ANKRD44: variants seen among roughly 807,000 people sequenced by gnomAD.
The protein encoded by ANKRD44 is ankyrin repeat domain 44, also known as serine/threonine-protein phosphatase 6 regulatory ankyrin repeat subunit B.
In ANKRD44, 35 loss-of-function variants were observed where a neutral mutation model predicts 116.0. The observed-to-expected ratio is 0.30, with a 90% CI of 0.23 to 0.40. The LOEUF is 0.40. ANKRD44 is among the 10% of genes least tolerant of loss of function. The pLI is 1.00. For synonymous variants in ANKRD44, 435 were observed against 461.8 expected (o/e 0.94, Z 0.74); for missense variants, 1,014 against 1,242.6 (o/e 0.82, Z 2.77).
At chr2:197,001,647 C>A in intron 22 of ANKRD44, 106 bp downstream of exon 22, 2 of 721,870 alleles carry the variant, frequency 2.8e-6, no homozygotes, top group Non-Finnish European at 2.2e-6. Context: ...TGGAATATTT[C>A]AGTCTTATCT....
intron 1 of ANKRD44, among the ~76,000 whole-genome samples, chr2:197,208,628 G>T (rs375539465): frequency 2.0e-5 from 3 of 152,030 alleles, no homozygotes; most frequent in South Asian, 4.2e-4. Context: ...GTGAAACCCC[G>T]TCTCTACTAA....
chr2:197,017,848 G>T (rs1331156002), intron 17 of ANKRD44, among the ~76,000 whole-genome samples: 3 of 152,220 alleles, frequency 2.0e-5, no homozygotes, highest in African/African-American at 7.2e-5. Context: ...GAACAAGGAA[G>T]GGCTCTGGAT....
At chr2:197,037,155 G>A (rs2076823344) in intron 16 of ANKRD44, among the ~76,000 whole-genome samples, 1 of 152,240 alleles carries the variant, frequency 6.6e-6, no homozygotes, top group African/African-American at 2.4e-5. Flanking sequence ...CGGAGGTAGT[G>A]AAACTACGGG....
At chr2:197,263,099 C>T in intron 1 of ANKRD44, 1 of 465,306 alleles carries the variant, frequency 2.1e-6, no homozygotes, top group Non-Finnish European at 4.1e-6. Flanking sequence ...CACAGCCCCT[C>T]ACCCCCTGAA....
chr2:196,981,657 G>A (rs2075801876), intron 21 of ANKRD44, among the ~76,000 whole-genome samples: 1 of 152,068 alleles, frequency 6.6e-6, no homozygotes, highest in Non-Finnish European at 1.5e-5. Context: ...GTGTGTGCCT[G>A]TAGTCCCAGC....
chr2:197,285,541 T>C (rs776411955), intron 1 of ANKRD44, among the ~76,000 whole-genome samples: 1 of 152,194 alleles, frequency 6.6e-6, no homozygotes, highest in Non-Finnish European at 1.5e-5. Flanking sequence ...CTCATAAAAA[T>C]GCTAAGTAGA....
intron 1 of ANKRD44, among the ~76,000 whole-genome samples, chr2:197,297,849 C>T (rs1160669964): frequency 6.6e-6 from 1 of 152,218 alleles, no homozygotes; most frequent in African/African-American, 2.4e-5. Flanking sequence ...GCATTAGCAA[C>T]TAAACATTGC....
chr2:197,067,641 C>T (rs1325253454), intron 16 of ANKRD44, among the ~76,000 whole-genome samples: 1 of 126,666 alleles, frequency 7.9e-6, no homozygotes, highest in Non-Finnish European at 1.7e-5. Context: ...CAGAGAAATG[C>T]AAATCAAAAC....
chr2:197,049,524 A>G lies in ANKRD44; in HGVS notation c.1651-24257T>C, dbSNP rs2077065926. ...TCAGACACTAATATTTAAGATCTATACTGTGGAGGAAACACATTCTCATTA... is the reference window on the plus strand; with the variant it reads ...TCAGACACTAATATTTAAGATCTATGCTGTGGAGGAAACACATTCTCATTA... On this transcript the variant is annotated intron_variant, in intron 16 of 27. Transcript: ENST00000282272. Among the ~76,000 whole-genome samples the G allele has an allele frequency of 2.0e-5, 3 of 152,200 alleles. No homozygotes were observed. In the South Asian group the frequency reaches 6.2e-4, roughly 31 times the overall value.
At chr2:196,990,015 A>C in intron 27 of ANKRD44, 1 of 1,052,700 alleles carries the variant, frequency 9.5e-7, no homozygotes, top group Non-Finnish European at 1.1e-6. Context: ...AATTAGTCAC[A>C]GGCTTGTTAT....
chr2:197,280,676 A>G (rs1032495899), intron 1 of ANKRD44, among the ~76,000 whole-genome samples: 6 of 152,218 alleles, frequency 3.9e-5, no homozygotes, highest in Admixed American at 3.3e-4. Flanking sequence ...GGATTGTACT[A>G]CTGAACTTGA....
intron 1 of ANKRD44, among the ~76,000 whole-genome samples, chr2:197,204,990 A>C (rs947361864): frequency 1.3e-5 from 2 of 152,234 alleles, no homozygotes; most frequent in African/African-American, 4.8e-5. Flanking sequence ...AACAGCTTCA[A>C]AATGCAGCGA....
Position 197,158,495 on chromosome 2 carries a change from A to T in ANKRD44, c.112-11390T>A, listed in dbSNP as rs556391744. Among the ~76,000 whole-genome samples the T allele has an allele frequency of 3.3e-5, 5 of 152,350 alleles. No homozygotes were observed. The South Asian group carries it at 1.0e-3, about 32-fold the overall frequency. ...AAACAAACATAGATTAATGAGAGGC[A>T]GATAACTAAAAGAATAACATAATCA... On this transcript the variant is annotated intron_variant, in intron 2 of 27. Transcript: ENST00000282272.
chr2:197,121,826 C>A (rs1467153553), intron 7 of ANKRD44, among the ~76,000 whole-genome samples: 1 of 152,106 alleles, frequency 6.6e-6, no homozygotes, highest in Non-Finnish European at 1.5e-5. Context: ...AGGTGAAGGG[C>A]AAAGCTGCTT....
intron 27 of ANKRD44, among the ~76,000 whole-genome samples, chr2:196,991,608 T>C (rs969408966): frequency 2.0e-5 from 3 of 152,140 alleles, no homozygotes; most frequent in African/African-American, 7.2e-5. Flanking sequence ...TGACAGAGTT[T>C]CACTCTGTCA....
chr2:197,013,593 T>A lies in ANKRD44; in HGVS notation c.1842A>T (p.Glu614Asp). 6.2e-7 allele frequency: 1 copy of A among 1,614,202 alleles called. No homozygotes were observed. Among genetic ancestry groups the A allele is most frequent in the Non-Finnish European group, 8.5e-7 (1 of 1,180,048 alleles). Residue 614 changes from glutamate to aspartate, a missense_variant, in exon 18 of 28, where the codon GAA (glutamate) becomes GAT (aspartate). Coordinates refer to ENST00000282272, the MANE Select transcript of ANKRD44 (RefSeq NM_001195144.2). ...LDLAAFKGHT[E>D]CVEALINQGA... ...CCTGATTGATAAGCGCTTCCACACA[T>A]TCTGTGTGTCCTTTAAAGGCAGCCA... is the stretch of plus-strand genomic sequence containing the variant.
rs377527485 is a variant in ANKRD44, at chr2:197,147,056, G to A, written c.161C>T (p.Ala54Val). The change falls in exon 3 of 28, where the codon GCA (alanine) becomes GTA (valine). Residue 54 changes from alanine (A) to valine (V), a missense_variant. By Grantham distance (64) the Ala-to-Val change is moderately conservative (BLOSUM62 0). Coordinates refer to ENST00000282272, the MANE Select transcript of ANKRD44 (RefSeq NM_001195144.2). ...PLHVAAFLGD[A>V]EIIELLILSG... Reference sequence around the variant, plus strand: ...CAAAATCAGGAGTTCAATGATCTCTGCATCTCCCAGAAATGCGGCCACATG... The same window carrying A: ...CAAAATCAGGAGTTCAATGATCTCTACATCTCCCAGAAATGCGGCCACATG... 17 of 1,613,614 alleles carry A rather than the reference G, an allele frequency of 1.1e-5. No individual in the cohort carries two copies. Among genetic ancestry groups the A allele is most frequent in the Non-Finnish European group, 1.4e-5 (16 of 1,179,728 alleles).
intron 2 of ANKRD44, among the ~76,000 whole-genome samples, chr2:197,176,919 G>T (rs996776504): frequency 5.3e-5 from 7 of 132,128 alleles, no homozygotes; most frequent in African/African-American, 1.9e-4. Context: ...TGTTTCAAGG[G>T]TATAATAATA....
intron 1 of ANKRD44, among the ~76,000 whole-genome samples, chr2:197,280,136 G>C (rs2083220935): frequency 6.6e-6 from 1 of 152,180 alleles, no homozygotes; most frequent in East Asian, 1.9e-4. Flanking sequence ...ATACACCTAA[G>C]AGTGTTTAAC....
Sources: allele counts gnomAD v4.1 joint callset (sites outside exome capture counted in the v4.1 genomes callset), GRCh38; gene constraint gnomAD v4.1.1; transcripts MANE v1.5; gene names NCBI Gene and HGNC (gene_info 2026-07-23, HGNC 2026-07-21).